Variants in IQSEC1 observed in about 807,000 individuals in gnomAD.
IQSEC1 encodes IQ motif and SEC7 domain-containing protein 1.
A neutral mutation model predicts 91.0 loss-of-function variants in IQSEC1; 31 were observed. The ratio of observed to expected loss-of-function variants is 0.34; its 90% CI spans 0.26 to 0.46. IQSEC1 has a LOEUF of 0.46. Among genes scored for constraint, IQSEC1 ranks in the 20% least tolerant of loss-of-function variants. The pLI, the probability that IQSEC1 is intolerant of heterozygous loss-of-function variation, is 1.00. For synonymous variants in IQSEC1, 699 were observed against 662.6 expected, an observed-to-expected ratio of 1.05 and a Z score of -0.84; for missense variants, 1,388 against 1,575.6, an observed-to-expected ratio of 0.88 and a Z score of 2.02.
chr3:12,959,409 C>A (rs1297618206), intron 1 of IQSEC1, among the ~76,000 whole-genome samples: 1 of 152,202 alleles, frequency 6.6e-6, no homozygotes, highest in Non-Finnish European at 1.5e-5. Flanking sequence ...ATTCCACACC[C>A]CGCCCTCCAG....
At chr3:13,277,128 A>AAC in intron 1 of IQSEC1, among the ~76,000 whole-genome samples, 1 of 150,388 alleles carries the variant, frequency 6.6e-6, no homozygotes, top group African/African-American at 2.5e-5. Flanking sequence ...AAAAAAAAAA[A>AAC]AAAAAAAAAC....
intron 1 of IQSEC1, among the ~76,000 whole-genome samples, chr3:13,199,664 C>T (rs1412435064): frequency 1.3e-5 from 2 of 152,130 alleles, no homozygotes; most frequent in African/African-American, 2.4e-5. Flanking sequence ...AGGCTTCCTG[C>T]GCCACGGCCT....
Position 12,920,612 on chromosome 3 carries a change from G to A in IQSEC1, c.1854-16C>T, listed in dbSNP as rs780665927. 6.2e-7 allele frequency: 1 copy of A among 1,613,084 alleles called. No homozygotes were observed. The highest frequency in any genetic ancestry group is 1.3e-5 in the African/African-American group (1 of 74,912). ...GTAGCGCTGGCTGCGGGCCGGGAGG[G>A]AGGGGGTCAGGGCCATGGCGCAGCA... On this transcript the variant is annotated splice_polypyrimidine_tract_variant and intron_variant, in intron 5 of 13. Coordinates refer to ENST00000613206, the MANE Select transcript of IQSEC1 (RefSeq NM_001134382.3).
intron 1 of IQSEC1, among the ~76,000 whole-genome samples, chr3:13,051,448 A>AATG (rs919103377): frequency 1.3e-5 from 2 of 152,112 alleles, no homozygotes; most frequent in African/African-American, 4.8e-5. Flanking sequence ...AGCCCCAGGG[A>AATG]ATGGGCTGTG....
intron 1 of IQSEC1, among the ~76,000 whole-genome samples, chr3:13,181,173 A>G (rs986636803): frequency 1.3e-5 from 2 of 152,226 alleles, no homozygotes; most frequent in Admixed American, 6.5e-5. Flanking sequence ...CAGGAGGCTG[A>G]GGCAGGAGAA....
intron 1 of IQSEC1, among the ~76,000 whole-genome samples, chr3:13,275,652 G>A (rs1056926968): frequency 2.6e-5 from 4 of 152,254 alleles, no homozygotes; most frequent in Admixed American, 6.5e-5. Context: ...GTGGTCACTC[G>A]CTTCGTGCTC....
chr3:12,923,833 G>A (rs906885018), intron 4 of IQSEC1, among the ~76,000 whole-genome samples: 6 of 152,244 alleles, frequency 3.9e-5, no homozygotes, highest in African/African-American at 1.4e-4. Context: ...CGGCTAGAAG[G>A]GACTGCCCCT....
chr3:13,058,743 G>T (rs573847927), intron 1 of IQSEC1, among the ~76,000 whole-genome samples: 30 of 152,354 alleles, frequency 2.0e-4, no homozygotes, highest in South Asian at 8.3e-4. Context: ...GAGCTGGAAA[G>T]CTCGGTCTGA....
At chr3:13,024,300 T>C (rs1244340547) in intron 1 of IQSEC1, among the ~76,000 whole-genome samples, 1 of 152,090 alleles carries the variant, frequency 6.6e-6, no homozygotes, top group African/African-American at 2.4e-5. Context: ...CTTCCTATCA[T>C]CCATTCATTT....
intron 1 of IQSEC1, among the ~76,000 whole-genome samples, chr3:13,189,962 G>C (rs1006951016): frequency 6.6e-6 from 1 of 152,156 alleles, no homozygotes; most frequent in African/African-American, 2.4e-5. Flanking sequence ...GACCCTCCCA[G>C]AGCCGTCATG....
intron 1 of IQSEC1, among the ~76,000 whole-genome samples, chr3:13,225,427 T>C (rs1005805793): frequency 5.3e-5 from 8 of 152,256 alleles, no homozygotes; most frequent in African/African-American, 1.9e-4. Flanking sequence ...TATGCGATTC[T>C]GTTATGATTT....
chr3:13,041,156 C>T lies in IQSEC1; in HGVS notation c.23+31836G>A, dbSNP rs187678186. ...ATTAAGTATATAAAGTGCCCCACCG[C>T]GGTAGACACCGAATCACTGACAGCC... On this transcript the variant is annotated intron_variant, in intron 1 of 13. Coordinates refer to ENST00000613206, the MANE Select transcript of IQSEC1 (RefSeq NM_001134382.3). Among the ~76,000 whole-genome samples the T allele has an allele frequency of 1.1e-3, 165 of 151,904 alleles. 1 individual carries two copies. Among genetic ancestry groups the T allele is most frequent in the African/African-American group, 3.7e-3 (152 of 41,328 alleles).
intron 2 of IQSEC1, among the ~76,000 whole-genome samples, chr3:13,135,423 C>T (rs1706690654): frequency 6.6e-6 from 1 of 152,226 alleles, no homozygotes; most frequent in South Asian, 2.1e-4. Flanking sequence ...GCTACACGGG[C>T]CAGGGAGGGG....
intron 2 of IQSEC1, among the ~76,000 whole-genome samples, chr3:12,941,366 G>A (rs974654224): frequency 3.3e-4 from 50 of 152,344 alleles, no homozygotes; most frequent in Admixed American, 2.3e-3. Context: ...CTTCATACAC[G>A]CCAGCCAGAG....
In IQSEC1 at chr3:12,924,841, C is replaced by G; in HGVS notation, c.1569-99G>C. ...TCAGTGGACGGTCGACATTCTCCCT[C>G]CCTGCCCACCTGCACCGGCCTTCAT... is the stretch of plus-strand genomic sequence containing the variant. On this transcript the variant is annotated intron_variant, in intron 3 of 13. Transcript: ENST00000613206. This position sits in a 1 kb window ranked among gnomAD's most constrained non-coding sequence, Gnocchi z 6.3. 2.6e-6 allele frequency: 3 copies of G among 1,135,846 alleles called. No homozygotes were observed. The South Asian group carries it at 4.8e-5, about 18-fold the overall frequency. The allele number at this position is 1,135,846 out of a possible 1,614,324, so 70.4% of individuals were successfully genotyped here.
chr3:13,152,321 G>A (rs1707013671), intron 2 of IQSEC1, among the ~76,000 whole-genome samples: 2 of 152,194 alleles, frequency 1.3e-5, no homozygotes, highest in South Asian at 4.1e-4. Context: ...TACTGAAATT[G>A]AAAGCAACTT....
At chr3:12,914,226 G>A (rs147453488) in intron 8 of IQSEC1, among the ~76,000 whole-genome samples, 65 of 152,324 alleles carry the variant, frequency 4.3e-4, no homozygotes, top group Middle Eastern at 6.8e-3. Context: ...GACAGCTCAC[G>A]AAAGCTCCCA....
intron 12 of IQSEC1, among the ~76,000 whole-genome samples, chr3:12,906,019 C>T (rs1694942493): frequency 6.6e-6 from 1 of 152,154 alleles, no homozygotes; most frequent in Non-Finnish European, 1.5e-5. Flanking sequence ...CCGGCGCCAG[C>T]CCCCTTCCCT....
chr3:12,923,192 G>A (rs1696792321), intron 4 of IQSEC1, among the ~76,000 whole-genome samples: 1 of 152,196 alleles, frequency 6.6e-6, no homozygotes, highest in Non-Finnish European at 1.5e-5. Context: ...GGTGGCCCGG[G>A]GGAGCCAGCC....
Sources: allele counts gnomAD v4.1 joint callset (sites outside exome capture counted in the v4.1 genomes callset), GRCh38; gene constraint gnomAD v4.1.1; non-coding constraint Gnocchi (gnomAD v3.1); transcripts MANE v1.5; gene names NCBI Gene and HGNC (gene_info 2026-07-23, HGNC 2026-07-21).